The following HOGA1 variants were observed in gnomAD, a reference collection of about 807,000 sequenced individuals.
HOGA1 encodes the protein 4-hydroxy-2-oxoglutarate aldolase, mitochondrial.
A neutral mutation model predicts 34.3 loss-of-function variants in HOGA1; 30 were observed. That is an observed-to-expected ratio of 0.87 (90% confidence interval 0.65 to 1.19). HOGA1 has a LOEUF of 1.19. Ranked by LOEUF, HOGA1 falls within the 50% of genes most tolerant of loss-of-function variation. The probability of loss-of-function intolerance (pLI) is 0.00; values close to 1 mark genes in which losing one functional copy is unlikely to be tolerated. For missense variants in HOGA1, 417 were observed against 436.5 expected (o/e 0.96, Z 0.40); for synonymous variants, 161 against 174.0 (o/e 0.93, Z 0.59).
At chr10:97,593,329 T>C (rs187177177) in intron 1 of HOGA1, among the ~76,000 whole-genome samples, 2 of 151,840 alleles carry the variant, frequency 1.3e-5, no homozygotes, top group Admixed American at 6.6e-5. Context: ...TACAAAAAAT[T>C]AGCTGGGTGT....
chr10:97,604,376 G>A (rs569806529), intron 6 of HOGA1, among the ~76,000 whole-genome samples: 3 of 152,266 alleles, frequency 2.0e-5, no homozygotes, highest in African/African-American at 7.2e-5. Context: ...GGGGATGAGT[G>A]CAGTGGCAGG....
intron 1 of HOGA1, among the ~76,000 whole-genome samples, chr10:97,586,542 T>C (rs1172466356): frequency 6.6e-6 from 1 of 151,940 alleles, no homozygotes; most frequent in Non-Finnish European, 1.5e-5. Flanking sequence ...GGCCTGGAGG[T>C]TTGGTGAGGT....
chr10:97,590,503 C>T (rs903010634), intron 1 of HOGA1: 3 of 1,612,446 alleles, frequency 1.9e-6, no homozygotes, highest in Non-Finnish European at 2.5e-6. Context: ...TCTATGGCCA[C>T]AGTCACCACA....
intron 6 of HOGA1, among the ~76,000 whole-genome samples, chr10:97,604,701 G>C (rs2041144034): frequency 6.6e-6 from 1 of 152,004 alleles, no homozygotes; most frequent in Admixed American, 6.6e-5. Context: ...GCTGCCATGG[G>C]AAGGGAGCAG....
intron 1 of HOGA1, among the ~76,000 whole-genome samples, chr10:97,591,909 GCTCACTGCAACCTCT>G (rs1488057129): frequency 3.4e-5 from 5 of 145,744 alleles, no homozygotes; most frequent in Admixed American, 2.8e-4. Flanking sequence ...CGCGATCTTG[GCTCACTGCAACCTCT>G]GCCTCCCGGG....
In HOGA1 at chr10:97,590,532, G is replaced by A. The variant is rs138868436; in HGVS notation, c.211+5618G>A. ...CACCACAGTCACCATGGCCACCCAA[G>A]CCACCAGAGCCACAGCCTGCCTAAT... On this transcript the variant is annotated intron_variant, in intron 1 of 6. Transcript: ENST00000370646. 40 of 1,612,204 alleles carry A rather than the reference G, an allele frequency of 2.5e-5. No homozygotes were observed. In the African/African-American group the frequency reaches 5.3e-4, roughly 22 times the overall value.
intron 6 of HOGA1, among the ~76,000 whole-genome samples, chr10:97,608,930 T>G (rs2041176954): frequency 6.6e-6 from 1 of 152,130 alleles, no homozygotes; most frequent in Non-Finnish European, 1.5e-5. Context: ...AGCTAGGCAC[T>G]CCACAATATT....
chr10:97,599,246 G>A lies in HOGA1; in HGVS notation c.468+30G>A, dbSNP rs563840125. ...GTGTGAGGCCTGAGACCAAGAGGAG[G>A]CTCTGCCCAGGGAGAGGAGATAAGG... On this transcript the variant is annotated intron_variant, in intron 3 of 6. Transcript: ENST00000370646. 5.0e-6 allele frequency: 8 copies of A among 1,613,482 alleles called. No homozygotes were observed. In the East Asian group the frequency reaches 1.8e-4, roughly 36 times the overall value.
At chr10:97,600,305 C>A (rs1463540980) in intron 5 of HOGA1, 142 bp downstream of exon 5, 3 of 731,072 alleles carry the variant, frequency 4.1e-6, no homozygotes, top group Non-Finnish European at 7.4e-6. Flanking sequence ...AACTCAGAAA[C>A]CTGGCCACGC....
intron 5 of HOGA1, among the ~76,000 whole-genome samples, chr10:97,601,601 C>T (rs1035920955): frequency 2.0e-4 from 31 of 152,204 alleles, no homozygotes; most frequent in Non-Finnish European, 3.5e-4. Context: ...AGTTCACTTT[C>T]AGGCTCTGCT....
chr10:97,601,438 G>A (rs2041115758), intron 5 of HOGA1, among the ~76,000 whole-genome samples: 1 of 152,110 alleles, frequency 6.6e-6, no homozygotes, highest in Non-Finnish European at 1.5e-5. Flanking sequence ...TGCATCCACT[G>A]GGGGGAATAA....
intron 6 of HOGA1, among the ~76,000 whole-genome samples, chr10:97,607,086 A>G (rs2041162971): frequency 6.8e-6 from 1 of 146,268 alleles, no homozygotes; most frequent in South Asian, 2.2e-4. Flanking sequence ...CCTGGGCAAC[A>G]TGGCCAGACC....
rs1432463177 is a variant in HOGA1, at chr10:97,584,458, G to C, written c.-246G>C. ...ATCCCAGAAACCAGTCCTATATCTG[G>C]CCAGAGGGACACTGGGTTGTGGCAT... On this transcript the variant is annotated 5_prime_UTR_variant, in exon 1 of 7. Transcript: ENST00000370646. The C allele has an allele frequency of 7.9e-6, 4 of 504,754 alleles. No individual in the cohort carries two copies. The East Asian group carries it at 1.2e-4, about 16-fold the overall frequency. The allele number at this position is 504,754 out of a possible 1,614,324, so 31.3% of individuals were successfully genotyped here. A position where few individuals can be genotyped will look rare whatever the true frequency, so the allele number is the denominator to read the frequency against.
chr10:97,598,779 C>T lies in HOGA1; in HGVS notation c.216C>T (p.Phe72=), dbSNP rs780606715. The T allele has an allele frequency of 2.2e-5, 35 of 1,614,054 alleles. No individual in the cohort carries two copies. In the East Asian group the frequency reaches 2.9e-4, roughly 13 times the overall value. ...AGTCAGCTGTGTCTCTTGCAGGCTT[C>T]GTGGTCCAGGGCTCCAATGGCGAGT... ...HKLGTFPFRG[F]VVQGSNGEFP... is the part of the protein sequence containing the mutation. Residue 72 remains phenylalanine, a synonymous_variant, in exon 2 of 7, where the codon TTC becomes TTT. Transcript: ENST00000370646.
intron 5 of HOGA1, 130 bp downstream of exon 5, chr10:97,600,293 A>C: frequency 1.3e-6 from 1 of 797,990 alleles, no homozygotes; most frequent in Non-Finnish European, 2.2e-6. Context: ...GCCCACTCTG[A>C]AAACTCAGAA....
In HOGA1 at chr10:97,601,874, T is replaced by A; in HGVS notation, c.718T>A (p.Cys240Ser). ...TCGTGCAGGAGCTGTGGGGGGCGTC[T>A]GCGCCCTGGCCAATGTCCTGGGGGC... Reference protein sequence around the residue: ...SYALGAVGGVCALANVLGAQV... With the variant: ...SYALGAVGGVSALANVLGAQV... The change falls in exon 6 of 7, where the codon TGC (cysteine) becomes AGC (serine). Residue 240 changes from cysteine to serine, a missense_variant. By Grantham distance (112) the Cys-to-Ser change is moderately radical. Transcript: ENST00000370646. 1 of 1,612,432 alleles carries A rather than the reference T, an allele frequency of 6.2e-7. No homozygotes were observed. The highest frequency in any genetic ancestry group is 1.3e-5 in the African/African-American group (1 of 75,002).
intron 6 of HOGA1, 54 bp downstream of exon 6, chr10:97,602,044 C>T: frequency 1.3e-6 from 2 of 1,573,830 alleles, no homozygotes; most frequent in South Asian, 2.3e-5. Context: ...AGTCTGTGTC[C>T]TCATTGGAGC....
intron 1 of HOGA1, among the ~76,000 whole-genome samples, chr10:97,587,268 C>T (rs2040977998): frequency 6.6e-6 from 1 of 152,128 alleles, no homozygotes; most frequent in Non-Finnish European, 1.5e-5. Flanking sequence ...TAAGGGCCTC[C>T]TGCAGCCAGT....
intron 6 of HOGA1, among the ~76,000 whole-genome samples, chr10:97,607,040 C>T (rs754496340): frequency 5.3e-5 from 8 of 149,898 alleles, no homozygotes; most frequent in South Asian, 2.1e-4. Flanking sequence ...GAGATAGAGA[C>T]GGCAGTATTG....
Sources: gnomAD v4.1 joint callset for allele counts (sites outside exome capture counted in the v4.1 genomes callset) on GRCh38, gnomAD v4.1.1 for gene constraint, MANE v1.5 for transcripts, NCBI Gene and HGNC (gene_info 2026-07-23, HGNC 2026-07-21) for gene names.